Variants in SLC25A13 observed in about 807,000 individuals in gnomAD.
The protein encoded by SLC25A13 is electrogenic aspartate/glutamate antiporter SLC25A13, mitochondrial.
A neutral mutation model predicts 85.5 loss-of-function variants in SLC25A13; 70 were observed. That is an observed-to-expected ratio of 0.82 (90% CI 0.68 to 1.00). SLC25A13 has a LOEUF of 1.00. Ranked by LOEUF, SLC25A13 falls within the 50% of genes least tolerant of loss-of-function variation. The pLI, the probability that SLC25A13 is intolerant of heterozygous loss-of-function variation, is 0.00. For missense variants in SLC25A13, 765 were observed against 819.8 expected (o/e 0.93, Z 0.82); for synonymous variants, 259 against 288.7 (o/e 0.90, Z 1.04).
chr7:96,295,561 T>C (rs1240851751), intron 2 of SLC25A13, among the ~76,000 whole-genome samples: 6 of 152,186 alleles, frequency 3.9e-5, no homozygotes, highest in East Asian at 3.9e-4. Context: ...CTCTAAAACA[T>C]AGACTCTATA....
chr7:96,230,652 C>G (rs1224188052), intron 4 of SLC25A13, among the ~76,000 whole-genome samples: 1 of 152,152 alleles, frequency 6.6e-6, no homozygotes, highest in Non-Finnish European at 1.5e-5. Flanking sequence ...AGGCTGTACA[C>G]CTACAACTAT....
intron 1 of SLC25A13, among the ~76,000 whole-genome samples, chr7:96,302,682 T>C (rs1799594853): frequency 6.6e-6 from 1 of 152,152 alleles, no homozygotes. Flanking sequence ...GTGCTGAATA[T>C]AGAATAAAGT....
chr7:96,134,025 G>GTT (rs947826296), intron 14 of SLC25A13, among the ~76,000 whole-genome samples: 4 of 142,446 alleles, frequency 2.8e-5, no homozygotes, highest in Middle Eastern at 3.6e-3. Flanking sequence ...TTCATTTGTT[G>GTT]TTTTTTTTTT....
intron 3 of SLC25A13, among the ~76,000 whole-genome samples, chr7:96,237,500 C>G (rs576285916): frequency 6.6e-6 from 1 of 152,284 alleles, no homozygotes; most frequent in South Asian, 2.1e-4. Flanking sequence ...GCAACAGAAT[C>G]TTGACTTTTT....
intron 13 of SLC25A13, among the ~76,000 whole-genome samples, chr7:96,167,895 T>G (rs1793820887): frequency 6.6e-6 from 1 of 151,836 alleles, no homozygotes; most frequent in Non-Finnish European, 1.5e-5. Flanking sequence ...GTCAGGAGAT[T>G]GAGACCATCC....
At chr7:96,293,880 C>G (rs983929198) in intron 2 of SLC25A13, among the ~76,000 whole-genome samples, 1 of 152,140 alleles carries the variant, frequency 6.6e-6, no homozygotes, top group Non-Finnish European at 1.5e-5. Flanking sequence ...GGCAATTCCT[C>G]AAGGATCTAG....
At chr7:96,172,126 G>C (rs527834719) in intron 11 of SLC25A13, among the ~76,000 whole-genome samples, 9 of 152,242 alleles carry the variant, frequency 5.9e-5, no homozygotes, top group African/African-American at 1.9e-4. Flanking sequence ...CCTCTTCTGA[G>C]GGACCAGCCC....
intron 14 of SLC25A13, among the ~76,000 whole-genome samples, chr7:96,135,567 A>G (rs551180915): frequency 6.6e-6 from 1 of 152,330 alleles, no homozygotes; most frequent in South Asian, 2.1e-4. Flanking sequence ...TCCTTGATAA[A>G]TCCTTCACTT....
At chr7:96,189,481 T>C (rs1220116613) in intron 8 of SLC25A13, 100 bp downstream of exon 8, 8 of 1,524,448 alleles carry the variant, frequency 5.2e-6, no homozygotes, top group South Asian at 2.2e-5. Flanking sequence ...TATTTCAGTA[T>C]AGCCTTCAGT....
At chr7:96,152,657 A>G (rs920686943) in intron 13 of SLC25A13, among the ~76,000 whole-genome samples, 1 of 152,138 alleles carries the variant, frequency 6.6e-6, no homozygotes, top group Non-Finnish European at 1.5e-5. Context: ...TGAGGGCATC[A>G]CTCCACATAT....
In SLC25A13 at chr7:96,131,805, G is replaced by T. The variant is rs1792042663; in HGVS notation, c.1529C>A (p.Ser510Tyr). 1 of 1,614,082 alleles carries T rather than the reference G, an allele frequency of 6.2e-7. No individual in the cohort carries two copies. Among genetic ancestry groups the T allele is most frequent in the Non-Finnish European group, 8.5e-7 (1 of 1,180,008 alleles). Reference protein sequence around the residue: ...YFPCYAHVKASFANEDGQVSP... With the variant: ...YFPCYAHVKAYFANEDGQVSP... ...AACCTGCCCATCTTCATTTGCAAAG[G>T]AAGCCTTCACATGAGCATAGCACGG... The change falls in exon 15 of 18, where the codon TCC (serine) becomes TAC (tyrosine). Residue 510 changes from serine to tyrosine, a missense_variant. Coordinates refer to ENST00000265631, the MANE Select transcript of SLC25A13 (RefSeq NM_014251.3).
chr7:96,210,774 G>GA (rs935836995), intron 4 of SLC25A13, among the ~76,000 whole-genome samples: 10 of 151,362 alleles, frequency 6.6e-5, no homozygotes, highest in Non-Finnish European at 1.3e-4. Flanking sequence ...GTGACCAAAA[G>GA]AAAAAAAATT....
intron 3 of SLC25A13, among the ~76,000 whole-genome samples, chr7:96,253,455 G>GA (rs1399960514): frequency 6.6e-6 from 1 of 152,170 alleles, no homozygotes; most frequent in Non-Finnish European, 1.5e-5. Flanking sequence ...AATCAGATGA[G>GA]AAAACAGGCT....
intron 3 of SLC25A13, among the ~76,000 whole-genome samples, chr7:96,272,891 C>T (rs545631944): frequency 5.9e-5 from 9 of 152,168 alleles, no homozygotes; most frequent in Non-Finnish European, 1.2e-4. Context: ...ACCGGTTCAG[C>T]AAAGAATCAT....
At position 96,259,535 on chromosome 7, in the gene SLC25A13, A is replaced by G. The variant is rs1293824342; in HGVS notation, c.212+17661T>C. 2.6e-5 allele frequency among the ~76,000 whole-genome samples: 4 copies of G among 152,182 alleles called. No individual in the cohort carries two copies. The South Asian group carries it at 8.3e-4, about 31-fold the overall frequency. On this transcript the variant is annotated intron_variant, in intron 3 of 17. Transcript: ENST00000265631. ...CCATCTCACGCCAGTTAGAATGGAGATTATTAAAAGTCAGGAAACAACAGA... is the reference window on the plus strand; with the variant it reads ...CCATCTCACGCCAGTTAGAATGGAGGTTATTAAAAGTCAGGAAACAACAGA...
intron 3 of SLC25A13, among the ~76,000 whole-genome samples, chr7:96,252,936 A>C (rs184156952): frequency 7.8e-4 from 118 of 152,254 alleles, no homozygotes; most frequent in Non-Finnish European, 1.4e-3. Context: ...TCTACTAAAA[A>C]TACAAAAATT....
intron 13 of SLC25A13, among the ~76,000 whole-genome samples, chr7:96,162,042 C>T (rs140066716): frequency 4.6e-4 from 70 of 152,280 alleles, no homozygotes; most frequent in African/African-American, 1.6e-3. Flanking sequence ...AATGATTAAG[C>T]CTCACATCAT....
intron 3 of SLC25A13, among the ~76,000 whole-genome samples, chr7:96,261,000 C>T (rs1406998841): frequency 6.6e-6 from 1 of 152,106 alleles, no homozygotes; most frequent in Non-Finnish European, 1.5e-5. Context: ...TTCTTTCACT[C>T]TCCTATCAAC....
intron 2 of SLC25A13, among the ~76,000 whole-genome samples, chr7:96,277,851 C>A (rs1312795849): frequency 6.6e-6 from 1 of 150,562 alleles, no homozygotes; most frequent in Non-Finnish European, 1.5e-5. Flanking sequence ...CAACCTAATT[C>A]CTTTGCCCCA....
Sources: allele counts gnomAD v4.1 joint callset (sites outside exome capture counted in the v4.1 genomes callset), GRCh38; gene constraint gnomAD v4.1.1; transcripts MANE v1.5; gene names NCBI Gene and HGNC (gene_info 2026-07-23, HGNC 2026-07-21).